The following AFP variants were observed in gnomAD, a reference collection of about 807,000 sequenced individuals.
AFP encodes alpha fetoprotein.
AFP carries 64 observed loss-of-function variants against 78.9 expected under a neutral mutation model. The ratio of observed to expected loss-of-function variants is 0.81; its 90% CI spans 0.66 to 1.00. The LOEUF is 1.00. Ranked by LOEUF, AFP falls within the 50% of genes least tolerant of loss-of-function variation. The probability of loss-of-function intolerance (pLI) is 0.00; values close to 1 mark genes in which losing one functional copy is unlikely to be tolerated. For synonymous variants in AFP, 254 were observed against 243.8 expected (o/e 1.04, Z -0.39); for missense variants, 689 against 703.8 (o/e 0.98, Z 0.24).
intron 11 of AFP, among the ~76,000 whole-genome samples, chr4:73,451,210 G>T (rs1282983371): frequency 6.6e-6 from 1 of 152,014 alleles, no homozygotes; most frequent in Non-Finnish European, 1.5e-5. Context: ...TTATTATTAT[G>T]ACATCAGGAA....
intron 14 of AFP, 138 bp downstream of exon 14, chr4:73,455,428 A>C: frequency 1.3e-6 from 1 of 756,386 alleles, no homozygotes; most frequent in Non-Finnish European, 2.2e-6. Context: ...TTTTAAAAAC[A>C]CTTGAACAAA....
At chr4:73,453,247 T>C (rs1436544246) in intron 12 of AFP, among the ~76,000 whole-genome samples, 4 of 152,232 alleles carry the variant, frequency 2.6e-5, no homozygotes, top group African/African-American at 9.6e-5. Flanking sequence ...GAGGTATGTT[T>C]CACAGTATGA....
At chr4:73,447,061 C>T in intron 7 of AFP, among the ~76,000 whole-genome samples, 1 of 151,968 alleles carries the variant, frequency 6.6e-6, no homozygotes, top group African/African-American at 2.4e-5. Context: ...ACTACGGACA[C>T]TATTAGAGGA....
At position 73,436,330 on chromosome 4, in the gene AFP, G is replaced by T. The variant is rs897317988; in HGVS notation, c.68G>T (p.Arg23Ile). ...LNFTESRTLH[R>I]NEYGIASILD... The stretch of plus-strand genomic sequence containing the variant: ...TTTACTGAATCCAGAACACTGCATA[G>T]AAATGAATATGGAATAGGTGAGATA... Residue 23 changes from arginine to isoleucine, a missense_variant, in exon 1 of 15, where the codon AGA becomes ATA. Coordinates refer to ENST00000395792, the MANE Select transcript of AFP (RefSeq NM_001134.3). 6.3e-7 allele frequency: 1 copy of T among 1,586,422 alleles called. No homozygotes were observed. Among genetic ancestry groups the T allele is most frequent in the Non-Finnish European group, 8.6e-7 (1 of 1,160,054 alleles).
At position 73,442,435 on chromosome 4, in the gene AFP, T is replaced by A. The variant is rs932830346; in HGVS notation, c.615+7T>A. The A allele has an allele frequency of 4.3e-6, 7 of 1,613,850 alleles. No individual in the cohort carries two copies. The African/African-American group carries it at 9.3e-5, about 22-fold the overall frequency. ...TGAATGCTTCCAAACAAAGGTATCA[T>A]ATTTGCGTGGATATCTGAACCAGTA... On this transcript the variant is annotated splice_region_variant and intron_variant, in intron 5 of 14. Coordinates refer to ENST00000395792, the MANE Select transcript of AFP (RefSeq NM_001134.3).
rs536611460 is a variant in AFP at position 73,450,139 on chromosome 4, T to G, written c.1289+6T>G. On this transcript the variant is annotated splice_donor_region_variant and intron_variant, in intron 10 of 14. Transcript: ENST00000395792. ...GAATATTACTTACAAAATGCGTATG[T>G]TTTTGTAAACAGTATTTTTAGTGAA... 1.4e-5 allele frequency: 22 copies of G among 1,596,088 alleles called. No homozygotes were observed. The South Asian group carries it at 2.3e-4, about 17-fold the overall frequency.
Position 73,453,821 on chromosome 4 carries a change from C to G in AFP, c.1709C>G (p.Ala570Gly), listed in dbSNP as rs7790. 0.012 allele frequency: 19,870 copies of G among 1,613,724 alleles called. 1,054 individuals carry two copies. The African/African-American group carries it at 0.16, about 13-fold the overall frequency. The change falls in exon 13 of 15, where the codon GCT (alanine) becomes GGT (glycine). Residue 570 changes from alanine to glycine, a missense_variant. Physicochemically the swap from Ala to Gly is moderately conservative, Grantham distance 60. Transcript: ENST00000395792. Reference protein sequence around the residue: ...KPQITEEQLEAVIADFSGLLE... With the variant: ...KPQITEEQLEGVIADFSGLLE... The stretch of plus-strand genomic sequence containing the variant: ...CAAATAACAGAGGAACAACTTGAGG[C>G]TGTCATTGCAGATTTCTCAGGCCTG...
At chr4:73,452,267 T>G in intron 11 of AFP, 134 bp from the exon 12 acceptor site, 1 of 756,626 alleles carries the variant, frequency 1.3e-6, no homozygotes, top group Non-Finnish European at 2.3e-6. Context: ...TGATCCTACA[T>G]AGCAAATTTT....
At chr4:73,437,036 C>T in intron 1 of AFP, 124 bp from the exon 2 acceptor site, 1 of 761,950 alleles carries the variant, frequency 1.3e-6, no homozygotes. Flanking sequence ...TAGGTTATCC[C>T]TAATGTTCTT....
At chr4:73,443,522 T>C (rs1719735265) in intron 6 of AFP, 78 bp downstream of exon 6, 2 of 1,111,874 alleles carry the variant, frequency 1.8e-6, no homozygotes, top group East Asian at 4.8e-5. Context: ...GTTTTTTTAA[T>C]TGTTGCTGTT....
chr4:73,436,836 A>C (rs925761338), intron 1 of AFP, among the ~76,000 whole-genome samples: 5 of 151,928 alleles, frequency 3.3e-5, no homozygotes, highest in African/African-American at 9.7e-5. Flanking sequence ...ACTATGTTCA[A>C]AAGAATGCCT....
intron 3 of AFP, 31 bp from the exon 4 acceptor site, chr4:73,440,571 T>C: frequency 1.3e-6 from 2 of 1,564,134 alleles, no homozygotes; most frequent in Non-Finnish European, 1.8e-6. Flanking sequence ...AAGTTAGTTG[T>C]CTTTCTCCAA....
chr4:73,448,557 A>G (rs539014377), intron 8 of AFP, among the ~76,000 whole-genome samples: 1 of 152,326 alleles, frequency 6.6e-6, no homozygotes, highest in Non-Finnish European at 1.5e-5. Context: ...AATAAAGTTC[A>G]GATTTAGGAG....
Position 73,445,077 on chromosome 4 carries a change from T to C in AFP, c.798T>C (p.His266=), listed in dbSNP as rs1719778947. 1.2e-6 allele frequency: 2 copies of C among 1,614,036 alleles called. No homozygotes were observed. Among genetic ancestry groups the C allele is most frequent in the South Asian group, 1.1e-5 (1 of 91,084 alleles). ...QKLVLDVAHV[H]EHCCRGDVLD... is the part of the protein sequence containing the mutation. ...TAGTCCTGGATGTGGCCCATGTACA[T>C]GAGCACTGTTGCAGAGGAGATGTGC... is the stretch of plus-strand genomic sequence containing the variant. The change falls in exon 7 of 15, where the codon CAT becomes CAC. Residue 266 remains histidine (H), a synonymous_variant. Transcript: ENST00000395792.
chr4:73,441,934 T>C (rs1239800614), intron 4 of AFP, among the ~76,000 whole-genome samples: 1 of 152,244 alleles, frequency 6.6e-6, no homozygotes, highest in Admixed American at 6.5e-5. Context: ...AATGTCCATC[T>C]TTCTGTTGCA....
At chr4:73,453,948 A>G in intron 13 of AFP, 51 bp downstream of exon 13, 1 of 1,609,290 alleles carries the variant, frequency 6.2e-7, no homozygotes. Context: ...AATTTTCTGT[A>G]GTGGATAATG....
At chr4:73,436,386 C>A (rs771034140) in intron 1 of AFP, 39 bp downstream of exon 1, 3 of 1,200,880 alleles carry the variant, frequency 2.5e-6, no homozygotes, top group South Asian at 1.5e-5. Flanking sequence ...TTCTCTATAT[C>A]AAAATTTTTT....
At chr4:73,447,414 A>G (rs774494158) in intron 7 of AFP, 48 bp from the exon 8 acceptor site, 4 of 1,374,126 alleles carry the variant, frequency 2.9e-6, no homozygotes, top group Non-Finnish European at 4.0e-6. Flanking sequence ...GAGATCCTTT[A>G]TTAAAGAATA....
chr4:73,449,248 A>G, intron 8 of AFP, 87 bp from the exon 9 acceptor site: 2 of 1,217,610 alleles, frequency 1.6e-6, no homozygotes, highest in Non-Finnish European at 2.3e-6. Context: ...TCCACATGCC[A>G]TATTATATAG....
Sources: gnomAD v4.1 joint callset for allele counts (sites outside exome capture counted in the v4.1 genomes callset) on GRCh38, gnomAD v4.1.1 for gene constraint, MANE v1.5 for transcripts, NCBI Gene and HGNC (gene_info 2026-07-23, HGNC 2026-07-21) for gene names.